Variants in KATNIP observed in about 807,000 individuals in gnomAD.
KATNIP encodes katanin-interacting protein.
Under a neutral mutation model 174.0 loss-of-function variants are expected in KATNIP, and 126 were observed. That is an observed-to-expected ratio of 0.72 (90% CI 0.63 to 0.84). KATNIP has a LOEUF of 0.84. Ranked by LOEUF, KATNIP falls within the 40% of genes least tolerant of loss-of-function variation. The pLI is 0.00. For synonymous variants in KATNIP, 810 were observed against 835.7 expected (o/e 0.97, Z 0.53); for missense variants, 1,958 against 2,109.7 (o/e 0.93, Z 1.41).
At chr16:27,768,450 C>T (rs1034061188) in intron 20 of KATNIP, among the ~76,000 whole-genome samples, 4 of 152,184 alleles carry the variant, frequency 2.6e-5, no homozygotes, top group African/African-American at 9.7e-5. Context: ...TCCTGGGCCT[C>T]TGCTTTGCCA....
At chr16:27,761,692 G>T in intron 19 of KATNIP, 102 bp downstream of exon 19, 1 of 1,080,706 alleles carries the variant, frequency 9.3e-7, no homozygotes, top group Non-Finnish European at 1.4e-6. Context: ...AATCGCATAT[G>T]TCCCTCCCCT....
At chr16:27,642,772 T>A (rs1389409110) in intron 5 of KATNIP, among the ~76,000 whole-genome samples, 1 of 148,340 alleles carries the variant, frequency 6.7e-6, no homozygotes, top group Non-Finnish European at 1.5e-5. Context: ...TTAAAAAATT[T>A]TTTTTTTTTT....
At position 27,775,162 on chromosome 16, in the gene KATNIP, C is replaced by T. The variant is rs1226529255; in HGVS notation, c.4449+78C>T. 3 of 1,504,580 alleles carry T rather than the reference C, an allele frequency of 2.0e-6. No homozygotes were observed. In the Admixed American group the frequency reaches 6.2e-5, roughly 31 times the overall value. 93.2% of individuals were successfully genotyped at this position (1,504,580 alleles called of 1,614,324 possible). A position where few individuals can be genotyped will look rare whatever the true frequency, so the allele number is the denominator to read the frequency against. On this transcript the variant is annotated intron_variant, in intron 24 of 27. Coordinates refer to ENST00000261588, the MANE Select transcript of KATNIP (RefSeq NM_015202.5). ...GACTTTCTTTCCCTGGTCTCAGTGA[C>T]ACGTCTTTCTTCCAGGTCAAGTTAA...
intron 15 of KATNIP, among the ~76,000 whole-genome samples, chr16:27,748,595 A>C (rs1597367790): frequency 6.6e-6 from 1 of 152,000 alleles, no homozygotes; most frequent in African/African-American, 2.4e-5. Flanking sequence ...TGTCTCAATA[A>C]ATAAACAAAT....
Position 27,681,459 on chromosome 16 carries a change from C to T in KATNIP, c.869C>T (p.Pro290Leu). The change falls in exon 8 of 28, where the codon CCC becomes CTC. Residue 290 changes from proline to leucine, a missense_variant. By Grantham distance (98) the Pro-to-Leu change is moderately conservative. Around this residue, in one of 3 missense-constraint regions of KATNIP, gnomAD observed 1,557 missense variants for 1,617.8 expected, o/e 0.96. Transcript: ENST00000261588. ...AAGGACAATGCTGAGGTTTTCGTTC[C>T]CACCAAACCTGAGCCAAACCTGACT... ...KRKDNAEVFV[P>L]TKPEPNLTPQ... 6.2e-7 allele frequency: 1 copy of T among 1,614,138 alleles called. No homozygotes were observed. Among genetic ancestry groups the T allele is most frequent in the Non-Finnish European group, 8.5e-7 (1 of 1,180,022 alleles).
intron 15 of KATNIP, among the ~76,000 whole-genome samples, chr16:27,746,534 A>G (rs992006568): frequency 6.6e-6 from 1 of 152,202 alleles, no homozygotes; most frequent in Non-Finnish European, 1.5e-5. Flanking sequence ...AGGGCTGCAC[A>G]ATTGTGGTGC....
At chr16:27,641,246 C>T (rs891700057) in intron 5 of KATNIP, among the ~76,000 whole-genome samples, 2 of 152,052 alleles carry the variant, frequency 1.3e-5, no homozygotes, top group Non-Finnish European at 2.9e-5. Flanking sequence ...CATCCCGATT[C>T]TTGGTTATCT....
intron 8 of KATNIP, among the ~76,000 whole-genome samples, chr16:27,682,036 C>A (rs1467354978): frequency 1.3e-5 from 2 of 152,186 alleles, no homozygotes; most frequent in African/African-American, 2.4e-5. Context: ...ATTAAAGTAA[C>A]CATGAGAGTG....
intron 1 of KATNIP, among the ~76,000 whole-genome samples, chr16:27,572,731 A>T (rs2090354467): frequency 6.6e-6 from 1 of 152,212 alleles, no homozygotes; most frequent in Non-Finnish European, 1.5e-5. Context: ...AGAGGAGGGC[A>T]GTTTAGGGTA....
At chr16:27,771,230 A>G (rs1047626230) in intron 21 of KATNIP, among the ~76,000 whole-genome samples, 6 of 152,230 alleles carry the variant, frequency 3.9e-5, no homozygotes, top group Non-Finnish European at 7.4e-5. Flanking sequence ...TTCTGCCACT[A>G]CCAGCTGCAT....
At chr16:27,595,481 A>G (rs752316901) in intron 2 of KATNIP, among the ~76,000 whole-genome samples, 1 of 152,236 alleles carries the variant, frequency 6.6e-6, no homozygotes, top group Non-Finnish European at 1.5e-5. Context: ...TGATAGAGGC[A>G]AAGAAAAGAA....
At chr16:27,717,727 C>A (rs1483932593) in intron 13 of KATNIP, among the ~76,000 whole-genome samples, 1 of 152,220 alleles carries the variant, frequency 6.6e-6, no homozygotes, top group Non-Finnish European at 1.5e-5. Context: ...TTCTGAATGG[C>A]AGCACTGAGA....
intron 6 of KATNIP, among the ~76,000 whole-genome samples, chr16:27,666,139 C>T (rs1300396264): frequency 1.3e-5 from 2 of 152,158 alleles, no homozygotes; most frequent in African/African-American, 4.8e-5. Flanking sequence ...TCTCCCAGGC[C>T]CATCTACTTC....
Position 27,550,312 on chromosome 16 carries a change from G to A in KATNIP, c.7+135G>A, listed in dbSNP as rs1360025717. 7.0e-6 allele frequency: 7 copies of A among 995,872 alleles called. No individual in the cohort carries two copies. The African/African-American group carries it at 8.1e-5, about 12-fold the overall frequency. The allele number at this position is 995,872 out of a possible 1,614,324, so 61.7% of individuals were successfully genotyped here. On this transcript the variant is annotated intron_variant, in intron 1 of 27. Coordinates refer to ENST00000261588, the MANE Select transcript of KATNIP (RefSeq NM_015202.5). The stretch of plus-strand genomic sequence containing the variant: ...ACCCAAGGGGGTCTCCGAAATGAGG[G>A]ATAGGGAGGCTTAGTGGTCTGGAAC...
intron 15 of KATNIP, 113 bp downstream of exon 15, chr16:27,741,033 G>A: frequency 1.8e-6 from 2 of 1,124,522 alleles, no homozygotes; most frequent in Non-Finnish European, 2.5e-6. Context: ...CAAGATGGTT[G>A]TTCTCAACTA....
intron 6 of KATNIP, among the ~76,000 whole-genome samples, chr16:27,674,449 T>C (rs2078035131): frequency 6.6e-6 from 1 of 152,268 alleles, no homozygotes; most frequent in Non-Finnish European, 1.5e-5. Flanking sequence ...CCTTGTCTTT[T>C]TCAGACTGTA....
intron 2 of KATNIP, among the ~76,000 whole-genome samples, chr16:27,575,899 T>A (rs374964024): frequency 1.6e-4 from 24 of 152,304 alleles, no homozygotes; most frequent in African/African-American, 3.8e-4. Flanking sequence ...CCACTCCTTC[T>A]GGTAAGGAAT....
chr16:27,644,060 T>TCAACA (rs1341678477), intron 5 of KATNIP, among the ~76,000 whole-genome samples: 10 of 146,846 alleles, frequency 6.8e-5, no homozygotes, highest in Non-Finnish European at 1.2e-4. Flanking sequence ...CTTACTCTGT[T>TCAACA]GCCCAGGCTG....
intron 2 of KATNIP, among the ~76,000 whole-genome samples, chr16:27,581,758 T>C (rs1039103354): frequency 9.2e-5 from 14 of 151,922 alleles, no homozygotes; most frequent in Admixed American, 2.6e-4. Flanking sequence ...CCTTTCCCCC[T>C]GAGTCCCCAA....
Sources: allele counts gnomAD v4.1 joint callset (sites outside exome capture counted in the v4.1 genomes callset), GRCh38; gene constraint gnomAD v4.1.1; regional missense constraint gnomAD v4.1.1; transcripts MANE v1.5; gene names NCBI Gene and HGNC (gene_info 2026-07-23, HGNC 2026-07-21).